The following OR10Z1 variants were observed in gnomAD, a reference collection of about 807,000 sequenced individuals.
OR10Z1 encodes the protein olfactory receptor family 10 subfamily Z member 1.
For synonymous variants in OR10Z1, 187 were observed against 151.2 expected (o/e 1.24, Z -1.74); for missense variants, 468 against 371.0 (o/e 1.26, Z -2.15).
intron 1 of OR10Z1, among the ~76,000 whole-genome samples, chr1:158,606,124 T>A (rs1649040905): frequency 6.6e-6 from 1 of 152,232 alleles, no homozygotes; most frequent in African/African-American, 2.4e-5. Context: ...GTGAATGCTA[T>A]AAAGCATATA....
In OR10Z1 at chr1:158,611,545, A is replaced by G. The variant is rs923379812; in HGVS notation, c.*4165A>G. 2.1e-5 allele frequency: 15 copies of G among 716,318 alleles called. No individual in the cohort carries two copies. Among genetic ancestry groups the G allele is most frequent in the Non-Finnish European group, 3.1e-5 (14 of 448,458 alleles). The allele number at this position is 716,318 out of a possible 1,614,324, so 44.4% of individuals were successfully genotyped here. A position where few individuals can be genotyped will look rare whatever the true frequency, so the allele number is the denominator to read the frequency against. On this transcript the variant is annotated 3_prime_UTR_variant, in exon 2 of 2. Coordinates refer to ENST00000641002, the MANE Select transcript of OR10Z1 (RefSeq NM_001004478.2). ...CACACAATTTTTATCTCATAAATTT[A>G]TAATTTCTAATGAGTAACTTAACTT... is the stretch of plus-strand genomic sequence containing the variant.
Position 158,607,500 on chromosome 1 carries a change from A to C in OR10Z1, c.*120A>C. 1.3e-6 allele frequency: 1 copy of C among 745,606 alleles called. No homozygotes were observed. The allele number at this position is 745,606 out of a possible 1,614,324, so 46.2% of individuals were successfully genotyped here. On this transcript the variant is annotated 3_prime_UTR_variant, in exon 2 of 2. Transcript: ENST00000641002. ...CTGTCCTACCCCCAATCTTCTGGGA[A>C]AGCCTTATCCTGCCTCTTGCCCTTC... is the stretch of plus-strand genomic sequence containing the variant.
rs992541062 is a variant in OR10Z1, at chr1:158,607,084, A to C, written c.646A>C (p.Ile216Leu). The C allele has an allele frequency of 6.2e-7, 1 of 1,613,610 alleles. No individual in the cohort carries two copies. The highest frequency in any genetic ancestry group is 8.5e-7 in the Non-Finnish European group (1 of 1,179,906). ...VLLVSFFFIT[I>L]SYAYILAAIL... The stretch of plus-strand genomic sequence containing the variant: ...CTTGGTCTCCTTCTTCTTCATCACC[A>C]TCTCCTACGCCTACATCTTGGCAGC... Residue 216 changes from isoleucine (I) to leucine (L), a missense_variant, in exon 2 of 2, where the codon ATC becomes CTC. Ile to Leu is a conservative substitution (Grantham distance 5). Coordinates refer to ENST00000641002, the MANE Select transcript of OR10Z1 (RefSeq NM_001004478.2).
At position 158,610,385 on chromosome 1, in the gene OR10Z1, C is replaced by T. The variant is rs905169847; in HGVS notation, c.*3005C>T. 3.3e-5 allele frequency: 5 copies of T among 152,064 alleles called. No individual in the cohort carries two copies. Among genetic ancestry groups the T allele is most frequent in the African/African-American group, 1.2e-4 (5 of 41,402 alleles). The allele number at this position is 152,064 out of a possible 1,614,324, so 9.4% of individuals were successfully genotyped here. On this transcript the variant is annotated 3_prime_UTR_variant, in exon 2 of 2. Transcript: ENST00000641002. The stretch of plus-strand genomic sequence containing the variant: ...TCAAATCAGAATGTCGGCATATAAA[C>T]CTGTTCAGAATAAACCTGGCCTGAA...
At position 158,607,115 on chromosome 1, in the gene OR10Z1, T is replaced by A. The variant is rs750012091; in HGVS notation, c.677T>A (p.Leu226Gln). The A allele has an allele frequency of 2.5e-6, 4 of 1,613,954 alleles. No individual in the cohort carries two copies. The highest frequency in any genetic ancestry group is 2.5e-6 in the Non-Finnish European group (3 of 1,179,968). ...ISYAYILAAI[L>Q]RIPSAEGQKK... Reference sequence around the variant, plus strand: ...TACGCCTACATCTTGGCAGCAATACTGAGGATCCCCTCTGCTGAGGGGCAG... The same window carrying A: ...TACGCCTACATCTTGGCAGCAATACAGAGGATCCCCTCTGCTGAGGGGCAG... The change falls in exon 2 of 2, where the codon CTG (leucine) becomes CAG (glutamine). Residue 226 changes from leucine to glutamine, a missense_variant. By Grantham distance (113) the Leu-to-Gln change is moderately radical (BLOSUM62 -2). Transcript: ENST00000641002.
chr1:158,605,368 G>A lies in OR10Z1; in HGVS notation c.-147G>A, dbSNP rs1427575912. On this transcript the variant is annotated 5_prime_UTR_variant, in exon 1 of 2. It adds an upstream start codon to the 5' untranslated region. Transcript: ENST00000641002. ...GGAGCTAAAAGGCAGGACTTGCTTT[G>A]TGAGCCTCTTCAGGTCAGCGTGAGT... The A allele has an allele frequency of 1.3e-5, 2 of 152,762 alleles. No homozygotes were observed. Among genetic ancestry groups the A allele is most frequent in the African/African-American group, 4.8e-5 (2 of 41,460 alleles). 9.5% of individuals were successfully genotyped at this position (152,762 alleles called of 1,614,324 possible).
In OR10Z1 at chr1:158,611,707, C is replaced by T; in HGVS notation, c.*4327C>T. ...TTGTTGACCACTTGATCTATTTCAT[C>T]TTCCTGGCTGCTTTGAGATGTGGGG... On this transcript the variant is annotated 3_prime_UTR_variant, in exon 2 of 2. Coordinates refer to ENST00000641002, the MANE Select transcript of OR10Z1 (RefSeq NM_001004478.2). The T allele has an allele frequency of 3.5e-6, 1 of 285,162 alleles. No homozygotes were observed. Among genetic ancestry groups the T allele is most frequent in the Non-Finnish European group, 6.8e-6 (1 of 147,838 alleles). 17.7% of individuals were successfully genotyped at this position (285,162 alleles called of 1,614,324 possible).
chr1:158,607,196 G>A lies in OR10Z1; in HGVS notation c.758G>A (p.Gly253Asp), dbSNP rs758530123. ...CTTACAGTGGTCATTATTCATTATG[G>A]CTGTGCTTCCTTCGTGTACCTGAGG... ...SHLTVVIIHYGCASFVYLRPK... is the reference protein window; with the variant it reads ...SHLTVVIIHYDCASFVYLRPK... Residue 253 changes from glycine (G) to aspartate (D), a missense_variant, in exon 2 of 2, where the codon GGC becomes GAC. Physicochemically the swap from Gly to Asp is moderately conservative, Grantham distance 94. Coordinates refer to ENST00000641002, the MANE Select transcript of OR10Z1 (RefSeq NM_001004478.2). 6.2e-7 allele frequency: 1 copy of A among 1,614,004 alleles called. No homozygotes were observed. The highest frequency in any genetic ancestry group is 8.5e-7 in the Non-Finnish European group (1 of 1,179,962).
chr1:158,611,080 C>T lies in OR10Z1; in HGVS notation c.*3700C>T. The T allele has an allele frequency of 1.2e-6, 1 of 806,704 alleles. No individual in the cohort carries two copies. Among genetic ancestry groups the T allele is most frequent in the African/African-American group, 1.7e-5 (1 of 58,136 alleles). 50.0% of individuals were successfully genotyped at this position (806,704 alleles called of 1,614,324 possible). On this transcript the variant is annotated 3_prime_UTR_variant, in exon 2 of 2. Transcript: ENST00000641002. Reference sequence around the variant, plus strand: ...TCTATTAACCTTTCTATCTCCCACCCTTGAGATTTTTTAAGATCCTACAAT... The same window carrying T: ...TCTATTAACCTTTCTATCTCCCACCTTTGAGATTTTTTAAGATCCTACAAT...
Position 158,606,640 on chromosome 1 carries a change from T to G in OR10Z1, c.202T>G (p.Phe68Val). 1.9e-6 allele frequency: 3 copies of G among 1,614,058 alleles called. No individual in the cohort carries two copies. The highest frequency in any genetic ancestry group is 2.5e-6 in the Non-Finnish European group (3 of 1,179,936). The change falls in exon 2 of 2, where the codon TTC becomes GTC. Residue 68 changes from phenylalanine (F) to valine (V), a missense_variant. Coordinates refer to ENST00000641002, the MANE Select transcript of OR10Z1 (RefSeq NM_001004478.2). ...GTACCTCTTCCTTTCCTTCCTATCCTTCTCTGAGACCTGCTACACTTTGGG... is the reference window on the plus strand; with the variant it reads ...GTACCTCTTCCTTTCCTTCCTATCCGTCTCTGAGACCTGCTACACTTTGGG... ...PMYLFLSFLS[F>V]SETCYTLGII...
In OR10Z1 at chr1:158,610,053, T is replaced by A. The variant is rs1649169390; in HGVS notation, c.*2673T>A. The A allele has an allele frequency of 6.6e-6, 1 of 152,178 alleles. No individual in the cohort carries two copies. Among genetic ancestry groups the A allele is most frequent in the Non-Finnish European group, 1.5e-5 (1 of 68,030 alleles). The allele number at this position is 152,178 out of a possible 1,614,324, so 9.4% of individuals were successfully genotyped here. ...TAATTTTGAAAATACTTTCTGCTTG[T>A]TATATTCCATAGTATTTGACTATTT... On this transcript the variant is annotated 3_prime_UTR_variant, in exon 2 of 2. Coordinates refer to ENST00000641002, the MANE Select transcript of OR10Z1 (RefSeq NM_001004478.2).
At position 158,607,205 on chromosome 1, in the gene OR10Z1, C is replaced by T. The variant is rs186326508; in HGVS notation, c.767C>T (p.Ser256Phe). The change falls in exon 2 of 2, where the codon TCC becomes TTC. Residue 256 changes from serine (S) to phenylalanine (F), a missense_variant. Transcript: ENST00000641002. The part of the protein sequence containing the change: ...TVVIIHYGCA[S>F]FVYLRPKASY... ...GTCATTATTCATTATGGCTGTGCTT[C>T]CTTCGTGTACCTGAGGCCCAAAGCC... 2 of 1,614,110 alleles carry T rather than the reference C, an allele frequency of 1.2e-6. No individual in the cohort carries two copies. Among genetic ancestry groups the T allele is most frequent in the African/African-American group, 1.3e-5 (1 of 75,038 alleles).
Position 158,611,243 on chromosome 1 carries a change from C to A in OR10Z1, c.*3863C>A. 6.2e-7 allele frequency: 1 copy of A among 1,609,838 alleles called. No individual in the cohort carries two copies. The highest frequency in any genetic ancestry group is 8.5e-7 in the Non-Finnish European group (1 of 1,177,360). On this transcript the variant is annotated 3_prime_UTR_variant, in exon 2 of 2. Coordinates refer to ENST00000641002, the MANE Select transcript of OR10Z1 (RefSeq NM_001004478.2). ...TTTCCCACGACACTAAGATTTTCTA[C>A]GATCCACGAGGAGCTGCTTATTAGT...
chr1:158,608,997 C>G lies in OR10Z1; in HGVS notation c.*1617C>G, dbSNP rs1461720320. The G allele has an allele frequency of 6.6e-6, 1 of 151,946 alleles. No individual in the cohort carries two copies. Among genetic ancestry groups the G allele is most frequent in the Non-Finnish European group, 1.5e-5 (1 of 68,034 alleles). 9.4% of individuals were successfully genotyped at this position (151,946 alleles called of 1,614,324 possible). On this transcript the variant is annotated 3_prime_UTR_variant, in exon 2 of 2. Transcript: ENST00000641002. Reference sequence around the variant, plus strand: ...ATGATAGATTTCAGTAGAGAGAAACCAGAGGCAAGGAGATCAGCAAGAAAC... The same window carrying G: ...ATGATAGATTTCAGTAGAGAGAAACGAGAGGCAAGGAGATCAGCAAGAAAC...
In OR10Z1 at chr1:158,606,447, G is replaced by A; in HGVS notation, c.9G>A (p.Gln3=). MG[Q]TNVTSWRDFV... ...GGGATATACCTCTCAGAATGGGGCA[G>A]ACCAACGTAACCTCCTGGAGGGATT... The change falls in exon 2 of 2, where the codon CAG becomes CAA. Residue 3 remains glutamine, a synonymous_variant. Coordinates refer to ENST00000641002, the MANE Select transcript of OR10Z1 (RefSeq NM_001004478.2). 6.2e-7 allele frequency: 1 copy of A among 1,611,746 alleles called. No individual in the cohort carries two copies. Among genetic ancestry groups the A allele is most frequent in the Non-Finnish European group, 8.5e-7 (1 of 1,178,334 alleles).
rs146323837 is a variant in OR10Z1 at position 158,607,129 on chromosome 1, G to A, written c.691G>A (p.Ala231Thr). 4.4e-4 allele frequency: 704 copies of A among 1,613,986 alleles called. 3 individuals carry two copies. The highest frequency in any genetic ancestry group is 6.7e-5 in the Non-Finnish European group (79 of 1,179,950). The change falls in exon 2 of 2, where the codon GCT becomes ACT. Residue 231 changes from alanine (A) to threonine (T), a missense_variant. Coordinates refer to ENST00000641002, the MANE Select transcript of OR10Z1 (RefSeq NM_001004478.2). ...ILAAILRIPS[A>T]EGQKKAFSTC... is the part of the protein sequence containing the mutation. ...GGCAGCAATACTGAGGATCCCCTCT[G>A]CTGAGGGGCAGAAGAAGGCCTTCTC...
In OR10Z1 at chr1:158,607,895, G is replaced by A. The variant is rs1649101315; in HGVS notation, c.*515G>A. The stretch of plus-strand genomic sequence containing the variant: ...AAAGCTTTGTTAAATGAACAGGTGG[G>A]TCATTTTTACTCCCACTGGGTGTCT... On this transcript the variant is annotated 3_prime_UTR_variant, in exon 2 of 2. Coordinates refer to ENST00000641002, the MANE Select transcript of OR10Z1 (RefSeq NM_001004478.2). The A allele has an allele frequency of 6.6e-6, 1 of 152,400 alleles. No homozygotes were observed. Among genetic ancestry groups the A allele is most frequent in the Admixed American group, 6.5e-5 (1 of 15,284 alleles). 9.4% of individuals were successfully genotyped at this position (152,400 alleles called of 1,614,324 possible).
rs556359323 is a variant in OR10Z1 at position 158,609,717 on chromosome 1, A to G, written c.*2337A>G. On this transcript the variant is annotated 3_prime_UTR_variant, in exon 2 of 2. Transcript: ENST00000641002. ...CTTCAAAATCTCGTTTGGTGATTCAAATTTCCTCTCTTGATTAAGTATGTG... is the reference window on the plus strand; with the variant it reads ...CTTCAAAATCTCGTTTGGTGATTCAGATTTCCTCTCTTGATTAAGTATGTG... 5.9e-5 allele frequency: 9 copies of G among 152,236 alleles called. No homozygotes were observed. The East Asian group carries it at 1.5e-3, about 26-fold the overall frequency. 9.4% of individuals were successfully genotyped at this position (152,236 alleles called of 1,614,324 possible).
intron 1 of OR10Z1, 31 bp from the exon 2 acceptor site, chr1:158,606,292 TGAG>T: frequency 1.6e-6 from 1 of 612,010 alleles, no homozygotes; most frequent in Non-Finnish European, 2.9e-6. Context: ...TTTTGAAGTT[TGAG>T]TAGAGTCTAA....
Sources: gnomAD v4.1 joint callset for allele counts (sites outside exome capture counted in the v4.1 genomes callset) on GRCh38, gnomAD v4.1.1 for gene constraint, MANE v1.5 for transcripts, NCBI Gene and HGNC (gene_info 2026-07-23, HGNC 2026-07-21) for gene names.